The following ERBB4 variants were observed in gnomAD, a reference collection of about 807,000 sequenced individuals.
The protein encoded by ERBB4 is receptor tyrosine-protein kinase erbB-4.
In ERBB4, 42 loss-of-function variants were observed where a neutral mutation model predicts 158.0. The observed-to-expected ratio is 0.27, with a 90% CI of 0.21 to 0.34. The LOEUF is 0.34. ERBB4 is among the 10% of genes least tolerant of loss of function. The pLI is 1.00. For missense variants in ERBB4, 1,333 were observed against 1,624.1 expected, an observed-to-expected ratio of 0.82 and a Z score of 3.08; for synonymous variants, 583 against 558.7, an observed-to-expected ratio of 1.04 and a Z score of -0.61.
intron 3 of ERBB4, among the ~76,000 whole-genome samples, chr2:211,829,976 AC>A (rs1331265141): frequency 3.3e-5 from 5 of 152,110 alleles, no homozygotes; most frequent in African/African-American, 4.8e-5. Context: ...AGTGAATATA[AC>A]CCCCATCCCC....
At chr2:211,558,647 A>G (rs2067302209) in intron 20 of ERBB4, among the ~76,000 whole-genome samples, 1 of 152,140 alleles carries the variant, frequency 6.6e-6, no homozygotes, top group East Asian at 1.9e-4. Flanking sequence ...ACAATGAGAA[A>G]CAAGAATTCA....
intron 3 of ERBB4, among the ~76,000 whole-genome samples, chr2:211,866,794 A>G (rs1039101071): frequency 1.4e-4 from 21 of 152,100 alleles, no homozygotes; most frequent in African/African-American, 4.8e-4. Context: ...AAATACGCCA[A>G]TAGAGCTATG....
At chr2:211,493,206 C>A (rs1053183111) in intron 20 of ERBB4, among the ~76,000 whole-genome samples, 1 of 151,976 alleles carries the variant, frequency 6.6e-6, no homozygotes, top group African/African-American at 2.4e-5. Context: ...TGAAACTTCC[C>A]TCTCAATTAT....
chr2:212,398,111 TGTGTG>T, intron 1 of ERBB4, among the ~76,000 whole-genome samples: 1 of 150,726 alleles, frequency 6.6e-6, no homozygotes, highest in Non-Finnish European at 1.5e-5. Context: ...TATGTGTGTG[TGTGTG>T]TGTGTGTATA....
chr2:212,299,397 G>C (rs1289500954), intron 1 of ERBB4, among the ~76,000 whole-genome samples: 2 of 151,612 alleles, frequency 1.3e-5, no homozygotes, highest in Non-Finnish European at 3.0e-5. Context: ...GAAGGTTTAA[G>C]TTGTTTACAA....
At chr2:211,740,586 C>G (rs895268453) in intron 5 of ERBB4, among the ~76,000 whole-genome samples, 2 of 151,068 alleles carry the variant, frequency 1.3e-5, no homozygotes, top group Non-Finnish European at 2.9e-5. Context: ...CCTCTTTCAT[C>G]CCTATACTGT....
At chr2:211,929,027 A>C (rs541128168) in intron 3 of ERBB4, among the ~76,000 whole-genome samples, 4 of 152,276 alleles carry the variant, frequency 2.6e-5, no homozygotes, top group Admixed American at 2.6e-4. Context: ...TTAAATACAC[A>C]CAGCCATACC....
At chr2:212,021,326 C>T (rs1001539709) in intron 2 of ERBB4, among the ~76,000 whole-genome samples, 3 of 151,958 alleles carry the variant, frequency 2.0e-5, no homozygotes, top group South Asian at 4.2e-4. Context: ...AGTTTGAAGT[C>T]GGGTAGCATG....
chr2:212,187,810 C>T (rs2082059665), intron 1 of ERBB4, among the ~76,000 whole-genome samples: 2 of 151,978 alleles, frequency 1.3e-5, no homozygotes, highest in South Asian at 4.2e-4. Context: ...ATTTCAGAGA[C>T]ATGAGTGATC....
At chr2:211,864,247 C>T (rs2078145695) in intron 3 of ERBB4, among the ~76,000 whole-genome samples, 1 of 152,220 alleles carries the variant, frequency 6.6e-6, no homozygotes, top group Non-Finnish European at 1.5e-5. Flanking sequence ...TCTCCTCTAT[C>T]CTTCCATCCT....
At chr2:212,516,616 G>A (rs548397019) in intron 1 of ERBB4, among the ~76,000 whole-genome samples, 1 of 152,222 alleles carries the variant, frequency 6.6e-6, no homozygotes, top group South Asian at 2.1e-4. Context: ...ATTTAACACA[G>A]TGAGAAAATA....
At chr2:212,457,931 A>G (rs752812026) in intron 1 of ERBB4, among the ~76,000 whole-genome samples, 46 of 151,924 alleles carry the variant, frequency 3.0e-4, no homozygotes, top group Admixed American at 1.6e-3. Context: ...GCTAAGGTAA[A>G]TATTTATTAT....
At chr2:212,226,040 T>C (rs1056007269) in intron 1 of ERBB4, among the ~76,000 whole-genome samples, 3 of 152,170 alleles carry the variant, frequency 2.0e-5, no homozygotes, top group African/African-American at 7.2e-5. Flanking sequence ...CCTGATCTAA[T>C]TGGGTGAATC....
Position 211,379,029 on chromosome 2 carries a change from A to G in ERBB4, c.*4586T>C, listed in dbSNP as rs1202904166. 2 of 231,654 alleles carry G rather than the reference A, an allele frequency of 8.6e-6. No individual in the cohort carries two copies. Among genetic ancestry groups the G allele is most frequent in the African/African-American group, 4.4e-5 (2 of 45,216 alleles). 14.3% of individuals were successfully genotyped at this position (231,654 alleles called of 1,614,324 possible). A position where few individuals can be genotyped will look rare whatever the true frequency, so the allele number is the denominator to read the frequency against. The stretch of plus-strand genomic sequence containing the variant: ...CACATGGATTTCTCATTTGCCCTAT[A>G]ACAATCATCATTCTAATAACTAAAG... On this transcript the variant is annotated 3_prime_UTR_variant, in exon 28 of 28. Coordinates refer to ENST00000342788, the MANE Select transcript of ERBB4 (RefSeq NM_005235.3).
At chr2:211,971,961 A>T (rs1402005620) in intron 2 of ERBB4, among the ~76,000 whole-genome samples, 1 of 152,184 alleles carries the variant, frequency 6.6e-6, no homozygotes, top group Admixed American at 6.5e-5. Flanking sequence ...ATAGAAAGAG[A>T]GGAAGTCAAA....
In ERBB4 at chr2:211,561,918, A is replaced by G; in HGVS notation, c.2472T>C (p.Cys824=). Residue 824 remains cysteine, a synonymous_variant, in exon 20 of 28, where the codon TGT becomes TGC. Transcript: ENST00000342788. ...NIGSQLLLNW[C]VQIAKGMMYL... ...AGGCACTTACCTTAGCTATCTGGAC[A>G]CACCAGTTAAGCAGCAGTTGTGATC... 6.2e-7 allele frequency: 1 copy of G among 1,614,014 alleles called. No homozygotes were observed. Among genetic ancestry groups the G allele is most frequent in the Non-Finnish European group, 8.5e-7 (1 of 1,179,968 alleles).
chr2:212,237,828 G>T (rs183823701), intron 1 of ERBB4, among the ~76,000 whole-genome samples: 1 of 152,338 alleles, frequency 6.6e-6, no homozygotes, highest in East Asian at 1.9e-4. Context: ...TTGCAGGGCT[G>T]CAGAGGACTG....
chr2:211,915,814 T>G (rs1039069698), intron 3 of ERBB4, among the ~76,000 whole-genome samples: 1 of 151,892 alleles, frequency 6.6e-6, no homozygotes, highest in Non-Finnish European at 1.5e-5. Flanking sequence ...TATATGTAAG[T>G]AATAATAATG....
chr2:212,015,880 T>C (rs1440005816), intron 2 of ERBB4, among the ~76,000 whole-genome samples: 1 of 152,200 alleles, frequency 6.6e-6, no homozygotes, highest in Non-Finnish European at 1.5e-5. Flanking sequence ...GGGTGTGAGG[T>C]ACTCCATTTG....
Sources: gnomAD v4.1 joint callset for allele counts (sites outside exome capture counted in the v4.1 genomes callset) on GRCh38, gnomAD v4.1.1 for gene constraint, MANE v1.5 for transcripts, NCBI Gene and HGNC (gene_info 2026-07-23, HGNC 2026-07-21) for gene names.